The following GRID2 variants were observed in gnomAD, a reference collection of about 807,000 sequenced individuals.
GRID2 encodes the protein glutamate receptor ionotropic, delta-2.
Under a neutral mutation model 114.8 loss-of-function variants are expected in GRID2, and 33 were observed. The ratio of observed to expected loss-of-function variants is 0.29; its 90% CI spans 0.22 to 0.38. The LOEUF (loss-of-function observed/expected upper bound fraction) is 0.38. GRID2 is among the 10% of genes least tolerant of loss of function. GRID2 has a pLI of 1.00. For missense variants in GRID2, 1,184 were observed against 1,257.7 expected, an observed-to-expected ratio of 0.94 and a Z score of 0.89; for synonymous variants, 505 against 449.9, an observed-to-expected ratio of 1.12 and a Z score of -1.55.
At chr4:92,913,991 C>T (rs1748587073) in intron 2 of GRID2, among the ~76,000 whole-genome samples, 1 of 152,004 alleles carries the variant, frequency 6.6e-6, no homozygotes, top group East Asian at 1.9e-4. Flanking sequence ...TGCATTTGAA[C>T]AGTGTTTGAA....
At chr4:92,753,961 G>A (rs1404279077) in intron 2 of GRID2, among the ~76,000 whole-genome samples, 4 of 152,104 alleles carry the variant, frequency 2.6e-5, no homozygotes, top group Non-Finnish European at 5.9e-5. Flanking sequence ...ACCAGTAATA[G>A]CTATATATGA....
At chr4:92,739,371 A>G (rs1026832203) in intron 2 of GRID2, among the ~76,000 whole-genome samples, 1 of 152,294 alleles carries the variant, frequency 6.6e-6, no homozygotes, top group African/African-American at 2.4e-5. Flanking sequence ...ACACAATGTG[A>G]GTTTTATATC....
chr4:93,547,997 C>A (rs1487368738), intron 13 of GRID2, among the ~76,000 whole-genome samples: 1 of 151,896 alleles, frequency 6.6e-6, no homozygotes, highest in Non-Finnish European at 1.5e-5. Context: ...ACCAAGATGG[C>A]GAAACCTGGT....
chr4:92,890,536 G>A (rs901453385), intron 2 of GRID2, among the ~76,000 whole-genome samples: 1 of 152,172 alleles, frequency 6.6e-6, no homozygotes, highest in African/African-American at 2.4e-5. Context: ...TTGGTCATTA[G>A]AGAAATGCAA....
intron 2 of GRID2, among the ~76,000 whole-genome samples, chr4:92,790,194 A>G (rs904856578): frequency 2.6e-5 from 4 of 151,812 alleles, no homozygotes; most frequent in African/African-American, 9.7e-5. Context: ...GTACATAGAT[A>G]CTTATTTATA....
At position 92,502,551 on chromosome 4, in the gene GRID2, G is replaced by A. The variant is rs555935735; in HGVS notation, c.89-87580G>A. Among the ~76,000 whole-genome samples, 10 of 151,966 alleles carry A rather than the reference G, an allele frequency of 6.6e-5. No individual in the cohort carries two copies. In the South Asian group the frequency reaches 1.2e-3, roughly 19 times the overall value. ...AGTAAGAAGTCTGGTCTGGAACATC[G>A]AGGGTATAGTTTTTATGTAAGTGTT... On this transcript the variant is annotated intron_variant, in intron 1 of 15. Transcript: ENST00000282020.
rs76034132 is a variant in GRID2 at position 92,446,633 on chromosome 4, G to C, written c.88+141889G>C. ...GAACCCCAAGCTGTACACACTGTTGGAACTTGTTTTTGAGGTCTCCTTAGT... is the reference window on the plus strand; with the variant it reads ...GAACCCCAAGCTGTACACACTGTTGCAACTTGTTTTTGAGGTCTCCTTAGT... On this transcript the variant is annotated intron_variant, in intron 1 of 15. Coordinates refer to ENST00000282020, the MANE Select transcript of GRID2 (RefSeq NM_001510.4). Among the ~76,000 whole-genome samples, 1,380 of 152,216 alleles carry C rather than the reference G, an allele frequency of 9.1e-3. 19 individuals carry two copies. Among genetic ancestry groups the C allele is most frequent in the African/African-American group, 0.032 (1,320 of 41,534 alleles).
rs60674952 is a variant in GRID2 at position 92,412,117 on chromosome 4, CTG to C, written c.88+107392_88+107393del. Among the ~76,000 whole-genome samples, 287 of 143,128 alleles carry C rather than the reference CTG, an allele frequency of 2.0e-3. 2 individuals carry two copies. The highest frequency in any genetic ancestry group is 4.4e-3 in the African/African-American group (175 of 39,480). The allele number at this position is 143,128 out of a possible 152,430, so 93.9% of individuals were successfully genotyped here. ...CAATTATATATCGTGTTTTTTGTGC[CTG>C]TGTGTGTGTGTGTGTGTGGTGTGTG... On this transcript the variant is annotated intron_variant, in intron 1 of 15. Transcript: ENST00000282020.
chr4:93,590,572 T>C (rs1265592008), intron 13 of GRID2, among the ~76,000 whole-genome samples: 1 of 152,054 alleles, frequency 6.6e-6, no homozygotes, highest in African/African-American at 2.4e-5. Flanking sequence ...TTTAAAGTAG[T>C]TTTTTCCAAT....
At chr4:93,230,696 A>G (rs1304593671) in intron 7 of GRID2, among the ~76,000 whole-genome samples, 1 of 151,986 alleles carries the variant, frequency 6.6e-6, no homozygotes, top group African/African-American at 2.4e-5. Context: ...GTGTCTGTGT[A>G]CTTTACCATT....
chr4:92,361,112 TC>T (rs1276388677), intron 1 of GRID2, among the ~76,000 whole-genome samples: 1 of 151,948 alleles, frequency 6.6e-6, no homozygotes, highest in African/African-American at 2.4e-5. Context: ...CAACTAAAAC[TC>T]CATTAGGTTA....
At chr4:93,523,592 A>T (rs767661402) in intron 13 of GRID2, among the ~76,000 whole-genome samples, 1 of 152,148 alleles carries the variant, frequency 6.6e-6, no homozygotes, top group Non-Finnish European at 1.5e-5. Flanking sequence ...GCATTTAGGA[A>T]TCCAGGACCA....
intron 1 of GRID2, among the ~76,000 whole-genome samples, chr4:92,409,525 T>C (rs1032142562): frequency 2.6e-5 from 4 of 152,156 alleles, no homozygotes; most frequent in African/African-American, 9.7e-5. Context: ...ATAGGTAAAT[T>C]TATAAGTCAC....
At chr4:93,131,081 C>T (rs1248755544) in intron 4 of GRID2, among the ~76,000 whole-genome samples, 1 of 151,532 alleles carries the variant, frequency 6.6e-6, no homozygotes, top group Non-Finnish European at 1.5e-5. Flanking sequence ...CAACCCTCTC[C>T]CTAGACAGCC....
chr4:93,356,505 G>T (rs949604501), intron 8 of GRID2, among the ~76,000 whole-genome samples: 1 of 151,002 alleles, frequency 6.6e-6, no homozygotes, highest in Admixed American at 6.6e-5. Context: ...ATGCTTTTAT[G>T]ATTTTTTTCT....
chr4:93,745,624 T>A (rs975574797), intron 14 of GRID2, among the ~76,000 whole-genome samples: 1 of 152,150 alleles, frequency 6.6e-6, no homozygotes, highest in Non-Finnish European at 1.5e-5. Context: ...TTTACATTTG[T>A]ACTTGATTTT....
Position 93,023,906 on chromosome 4 carries a change from A to G in GRID2, c.245-61089A>G, listed in dbSNP as rs1578780444. On this transcript the variant is annotated intron_variant, in intron 2 of 15. Transcript: ENST00000282020. ...AACACTTAACTACACAGAACTTTAT[A>G]TAGTTCACTGAAGTAGGATAAAATG... Among the ~76,000 whole-genome samples the G allele has an allele frequency of 3.3e-5, 5 of 151,872 alleles. No individual in the cohort carries two copies. In the South Asian group the frequency reaches 1.0e-3, roughly 31 times the overall value.
At chr4:92,835,892 C>A (rs1314728678) in intron 2 of GRID2, among the ~76,000 whole-genome samples, 3 of 152,094 alleles carry the variant, frequency 2.0e-5, no homozygotes, top group Non-Finnish European at 4.4e-5. Context: ...CTCTAGACAA[C>A]TCCTTGACAG....
In GRID2 at chr4:93,323,004, C is replaced by G. The variant is rs189140414; in HGVS notation, c.1246-72603C>G. ...TCTCCTATTCTGTAGGTTGCCTGTT[C>G]ACTCTGATGGTAGTTTCTTTTGCTG... On this transcript the variant is annotated intron_variant, in intron 8 of 15. Transcript: ENST00000282020. Among the ~76,000 whole-genome samples the G allele has an allele frequency of 6.1e-3, 933 of 152,226 alleles. 3 individuals are homozygous for G. Among genetic ancestry groups the G allele is most frequent in the Non-Finnish European group, 0.01 (683 of 68,004 alleles).
Sources: allele counts gnomAD v4.1 joint callset (sites outside exome capture counted in the v4.1 genomes callset), GRCh38; gene constraint gnomAD v4.1.1; transcripts MANE v1.5; gene names NCBI Gene and HGNC (gene_info 2026-07-23, HGNC 2026-07-21).